Variants in CATSPERD observed in about 807,000 individuals in gnomAD.
CATSPERD encodes catsper channel auxiliary subunit delta.
A neutral mutation model predicts 98.1 loss-of-function variants in CATSPERD; 86 were observed. The ratio of observed to expected loss-of-function variants is 0.88; its 90% CI spans 0.74 to 1.05. CATSPERD has a LOEUF of 1.05. CATSPERD is among the 50% of genes least tolerant of loss of function. The pLI, the probability that CATSPERD is intolerant of heterozygous loss-of-function variation, is 0.00. For missense variants in CATSPERD, 995 were observed against 1,005.7 expected, an observed-to-expected ratio of 0.99 and a Z score of 0.14; for synonymous variants, 394 against 390.2, an observed-to-expected ratio of 1.01 and a Z score of -0.12.
intron 13 of CATSPERD, among the ~76,000 whole-genome samples, chr19:5,756,680 C>T (rs1205755335): frequency 6.6e-6 from 1 of 152,118 alleles, no homozygotes; most frequent in African/African-American, 2.4e-5. Flanking sequence ...CACGGTGGCT[C>T]ACACCTGTAA....
intron 11 of CATSPERD, among the ~76,000 whole-genome samples, chr19:5,750,811 CTG>C (rs1467121303): frequency 6.6e-6 from 1 of 152,162 alleles, no homozygotes; most frequent in South Asian, 2.1e-4. Flanking sequence ...GTCCTTATGA[CTG>C]TGTTTCCTCC....
intron 2 of CATSPERD, 108 bp downstream of exon 2, chr19:5,724,970 T>C: frequency 1.0e-6 from 1 of 970,314 alleles, no homozygotes; most frequent in Non-Finnish European, 1.7e-6. Context: ...GCATTTAAGA[T>C]CATTACTTTA....
intron 4 of CATSPERD, among the ~76,000 whole-genome samples, chr19:5,730,536 C>G (rs1451255335): frequency 6.9e-6 from 1 of 145,944 alleles, no homozygotes; most frequent in Non-Finnish European, 1.5e-5. Context: ...GAGGGAGACT[C>G]TGTCTTAAAA....
intron 12 of CATSPERD, among the ~76,000 whole-genome samples, chr19:5,752,741 A>C (rs1399187708): frequency 1.3e-5 from 2 of 152,086 alleles, no homozygotes; most frequent in Non-Finnish European, 2.9e-5. Flanking sequence ...TGGAAAGGAA[A>C]AGGGGGCCGG....
chr19:5,771,406 A>C (rs1201713235), intron 19 of CATSPERD, among the ~76,000 whole-genome samples: 1 of 151,668 alleles, frequency 6.6e-6, no homozygotes, highest in Non-Finnish European at 1.5e-5. Context: ...CCACCACCAC[A>C]CCCAGCTAAT....
intron 2 of CATSPERD, among the ~76,000 whole-genome samples, chr19:5,725,809 A>G (rs1411907680): frequency 1.3e-5 from 2 of 151,830 alleles, no homozygotes; most frequent in Admixed American, 1.3e-4. Context: ...CTGAGTCAGG[A>G]GAACTGCTTG....
chr19:5,723,186 C>CA (rs56121351), intron 1 of CATSPERD, among the ~76,000 whole-genome samples: 68,159 of 121,106 alleles, frequency 0.56, 18,400 homozygotes, highest in Middle Eastern at 0.65. Context: ...GATTCTGTCT[C>CA]AAAAAAAAAA....
At position 5,722,955 on chromosome 19, in the gene CATSPERD, G is replaced by A. The variant is rs1478095751; in HGVS notation, c.72-1853G>A. Among the ~76,000 whole-genome samples, 62 of 151,974 alleles carry A rather than the reference G, an allele frequency of 4.1e-4. 1 individual carries two copies. In the South Asian group the frequency reaches 0.013, roughly 31 times the overall value. On this transcript the variant is annotated intron_variant, in intron 1 of 21. Transcript: ENST00000381624. ...TGTAATCCCAGCACTTTGGGAGGTG[G>A]AGGCGGGCGGATCACGAGGTCAGGA...
chr19:5,765,186 G>C (rs2056513919), intron 16 of CATSPERD, among the ~76,000 whole-genome samples: 2 of 152,150 alleles, frequency 1.3e-5, no homozygotes, highest in Non-Finnish European at 2.9e-5. Flanking sequence ...TGGGATTAAA[G>C]GCGTGAGCCA....
At chr19:5,775,040 G>A (rs777197575) in intron 20 of CATSPERD, among the ~76,000 whole-genome samples, 2 of 151,984 alleles carry the variant, frequency 1.3e-5, no homozygotes, top group South Asian at 2.1e-4. Flanking sequence ...CATTGGAAGC[G>A]CCTGACTCTC....
chr19:5,778,684 C>G lies in CATSPERD; in HGVS notation c.*8C>G. The G allele has an allele frequency of 6.2e-7, 1 of 1,607,836 alleles. No homozygotes were observed. The highest frequency in any genetic ancestry group is 1.3e-5 in the African/African-American group (1 of 74,918). On this transcript the variant is annotated 3_prime_UTR_variant, in exon 22 of 22. Transcript: ENST00000381624. ...GGCAGGTCTGACCACTGAGGCCGGTCCACAGGGTCCCAACCCCTTGTCTTC... is the reference window on the plus strand; with the variant it reads ...GGCAGGTCTGACCACTGAGGCCGGTGCACAGGGTCCCAACCCCTTGTCTTC...
At chr19:5,739,143 G>A (rs1325673606) in intron 6 of CATSPERD, among the ~76,000 whole-genome samples, 183 bp from the exon 7 acceptor site, 1 of 152,162 alleles carries the variant, frequency 6.6e-6, no homozygotes, top group Non-Finnish European at 1.5e-5. Context: ...GGGATTACAG[G>A]CGTGAGCCAC....
intron 16 of CATSPERD, 99 bp downstream of exon 16, chr19:5,763,392 G>A: frequency 1.1e-6 from 1 of 881,092 alleles, no homozygotes; most frequent in Admixed American, 2.0e-5. Context: ...TAGTGCCACT[G>A]CACTCCAACC....
chr19:5,748,725 A>ATTT (rs1302338255), intron 10 of CATSPERD, among the ~76,000 whole-genome samples: 2 of 65,044 alleles, frequency 3.1e-5, no homozygotes, highest in African/African-American at 5.2e-5. Flanking sequence ...CTGTCATATT[A>ATTT]TTCTTTTTTT....
At chr19:5,722,851 C>T (rs1177833139) in intron 1 of CATSPERD, among the ~76,000 whole-genome samples, 3 of 151,996 alleles carry the variant, frequency 2.0e-5, no homozygotes, top group African/African-American at 4.8e-5. Flanking sequence ...TACCTTGTTG[C>T]AGGACTTCAT....
At chr19:5,723,186 C>CAAAAAA (rs56121351) in intron 1 of CATSPERD, among the ~76,000 whole-genome samples, 1 of 121,384 alleles carries the variant, frequency 8.2e-6, no homozygotes, top group Non-Finnish European at 1.7e-5. Flanking sequence ...GATTCTGTCT[C>CAAAAAA]AAAAAAAAAA....
At chr19:5,740,818 C>T (rs1462927193) in intron 7 of CATSPERD, among the ~76,000 whole-genome samples, 2 of 149,190 alleles carry the variant, frequency 1.3e-5, no homozygotes, top group East Asian at 4.0e-4. Flanking sequence ...GACATGGTGG[C>T]TCACACTTGT....
Position 5,745,493 on chromosome 19 carries a change from C to T in CATSPERD, c.658-420C>T, listed in dbSNP as rs186069312. 4.9e-3 allele frequency among the ~76,000 whole-genome samples: 749 copies of T among 152,132 alleles called. 4 individuals are homozygous for T. Among genetic ancestry groups the T allele is most frequent in the African/African-American group, 0.017 (708 of 41,554 alleles). On this transcript the variant is annotated intron_variant, in intron 8 of 21. Coordinates refer to ENST00000381624, the MANE Select transcript of CATSPERD (RefSeq NM_152784.4). ...AAAATTAGCCCGGCACGGTGTCAGG[C>T]ACCTGTAATCACAGCTACTTGGGAG... is the stretch of plus-strand genomic sequence containing the variant.
rs1448152937 is a variant in CATSPERD, at chr19:5,751,720, C to A, written c.1061C>A (p.Thr354Asn). 1 of 1,613,698 alleles carries A rather than the reference C, an allele frequency of 6.2e-7. No homozygotes were observed. The highest frequency in any genetic ancestry group is 8.5e-7 in the Non-Finnish European group (1 of 1,179,950). ...AGCCCAGGGACTCTGGAAATACTGA[C>A]CCCACTGCGTGACACAGCCTTTCCA... Reference protein sequence around the residue: ...FRSPGTLEILTPLRDTAFPAF... With the variant: ...FRSPGTLEILNPLRDTAFPAF... Residue 354 changes from threonine to asparagine, a missense_variant, in exon 12 of 22, where the codon ACC (threonine) becomes AAC (asparagine). Thr to Asn is a moderately conservative substitution (Grantham distance 65). Transcript: ENST00000381624.
Sources: allele counts gnomAD v4.1 joint callset (sites outside exome capture counted in the v4.1 genomes callset), GRCh38; gene constraint gnomAD v4.1.1; transcripts MANE v1.5; gene names NCBI Gene and HGNC (gene_info 2026-07-23, HGNC 2026-07-21).